The following RC3H1 variants were observed in gnomAD, a reference collection of about 807,000 sequenced individuals.
RC3H1 encodes roquin-1.
Under a neutral mutation model 138.2 loss-of-function variants are expected in RC3H1, and 50 were observed. That is an observed-to-expected ratio of 0.36 (90% CI 0.29 to 0.46). The LOEUF (loss-of-function observed/expected upper bound fraction) is 0.46. Among genes scored for constraint, RC3H1 ranks in the 20% least tolerant of loss-of-function variants. The probability of loss-of-function intolerance (pLI) is 1.00; values close to 1 mark genes in which losing one functional copy is unlikely to be tolerated. For missense variants in RC3H1, 1,031 were observed against 1,388.1 expected, an observed-to-expected ratio of 0.74 and a Z score of 4.09; for synonymous variants, 462 against 489.1, an observed-to-expected ratio of 0.94 and a Z score of 0.73.
chr1:173,981,178 T>C (rs1478940624), intron 5 of RC3H1, among the ~76,000 whole-genome samples, 169 bp from the exon 6 acceptor site: 1 of 152,254 alleles, frequency 6.6e-6, no homozygotes, highest in Non-Finnish European at 1.5e-5. Context: ...GGTATATTGC[T>C]ATCATCCCAT....
chr1:173,947,483 T>C lies in RC3H1; in HGVS notation c.2623A>G (p.Thr875Ala). 6.2e-7 allele frequency: 1 copy of C among 1,614,046 alleles called. No homozygotes were observed. The highest frequency in any genetic ancestry group is 8.5e-7 in the Non-Finnish European group (1 of 1,179,984). ...GAGATGGCACCAAACCGAGACACTG[T>C]TGGTCGGTCTCCAAATGGGATGAGG... ...DDLIPFGDRP[T>A]VSRFGAISRT... Residue 875 changes from threonine (T) to alanine (A), a missense_variant, in exon 15 of 20, where the codon ACA (threonine) becomes GCA (alanine). By Grantham distance (58) the Thr-to-Ala change is moderately conservative (BLOSUM62 0). Coordinates refer to ENST00000367696, the MANE Select transcript of RC3H1 (RefSeq NM_172071.4).
chr1:173,977,564 G>C (rs1336643991), intron 7 of RC3H1, among the ~76,000 whole-genome samples: 5 of 152,178 alleles, frequency 3.3e-5, no homozygotes. Flanking sequence ...GACACGATGG[G>C]GAATCTCAGC....
intron 11 of RC3H1, among the ~76,000 whole-genome samples, chr1:173,962,603 G>A (rs1048862540): frequency 1.3e-5 from 2 of 152,146 alleles, no homozygotes; most frequent in South Asian, 2.1e-4. Context: ...CTCAAATGAC[G>A]TGATCTTGGA....
At chr1:173,963,611 C>T (rs1229145313) in intron 11 of RC3H1, among the ~76,000 whole-genome samples, 1 of 152,092 alleles carries the variant, frequency 6.6e-6, no homozygotes, top group African/African-American at 2.4e-5. Flanking sequence ...TTTACACACA[C>T]TATAATATTA....
intron 6 of RC3H1, 91 bp from the exon 7 acceptor site, chr1:173,978,711 T>A: frequency 1.5e-6 from 2 of 1,342,678 alleles, no homozygotes; most frequent in Non-Finnish European, 2.0e-6. Context: ...TGCGATTTAT[T>A]AAATTTAATT....
At chr1:173,996,758 C>T (rs535466429) in intron 1 of RC3H1, among the ~76,000 whole-genome samples, 76 of 152,276 alleles carry the variant, frequency 5.0e-4, no homozygotes, top group Middle Eastern at 6.8e-3. Flanking sequence ...CCCTCTCCAT[C>T]GCCCCATAAA....
At chr1:173,980,363 T>C (rs890939730) in intron 6 of RC3H1, among the ~76,000 whole-genome samples, 1 of 152,030 alleles carries the variant, frequency 6.6e-6, no homozygotes. Context: ...TTATTATCTA[T>C]GTGATGCTGG....
intron 1 of RC3H1, among the ~76,000 whole-genome samples, chr1:174,001,190 C>A (rs1042185923): frequency 6.6e-6 from 1 of 152,144 alleles, no homozygotes; most frequent in Non-Finnish European, 1.5e-5. Flanking sequence ...AGAAAAATTT[C>A]TATCTCCAAC....
At chr1:174,003,117 G>C (rs893836435) in intron 1 of RC3H1, among the ~76,000 whole-genome samples, 1 of 152,176 alleles carries the variant, frequency 6.6e-6, no homozygotes, top group African/African-American at 2.4e-5. Context: ...GCCAGGCGTG[G>C]TGGCTTATGC....
At chr1:174,021,993 G>T in intron 1 of RC3H1, 103 bp downstream of exon 1, 1 of 382,532 alleles carries the variant, frequency 2.6e-6, no homozygotes, top group Non-Finnish European at 4.6e-6. Context: ...AGCAGAGGGC[G>T]GGCGAGGACA....
chr1:174,013,852 G>A (rs2103102177), intron 1 of RC3H1, among the ~76,000 whole-genome samples: 1 of 152,232 alleles, frequency 6.6e-6, no homozygotes, highest in South Asian at 2.1e-4. Context: ...GCCAAGGCAG[G>A]AGCACTGCCT....
intron 19 of RC3H1, among the ~76,000 whole-genome samples, chr1:173,939,356 G>A (rs575952108): frequency 2.0e-5 from 3 of 151,496 alleles, no homozygotes; most frequent in East Asian, 1.9e-4. Flanking sequence ...TGGCCAACAT[G>A]GTGAAACCCT....
At chr1:173,941,898 TC>T (rs1658880783) in intron 18 of RC3H1, among the ~76,000 whole-genome samples, 1 of 125,324 alleles carries the variant, frequency 8.0e-6, no homozygotes, top group South Asian at 2.5e-4. Context: ...ACCACTGCAC[TC>T]CCCACCTGGG....
intron 3 of RC3H1, 68 bp downstream of exon 3, chr1:173,984,431 T>C (rs1660941134): frequency 2.7e-6 from 4 of 1,458,456 alleles, no homozygotes; most frequent in Non-Finnish European, 3.7e-6. Flanking sequence ...AGGACTTATA[T>C]AGGATTATGT....
chr1:173,983,725 T>C (rs757902352), intron 3 of RC3H1, 68 bp from the exon 4 acceptor site: 13 of 1,551,514 alleles, frequency 8.4e-6, no homozygotes, highest in Non-Finnish European at 1.1e-5. Flanking sequence ...GCAATTCTTC[T>C]GTTGGGTTAA....
At chr1:173,962,132 G>C (rs376056647) in intron 11 of RC3H1, 37 bp from the exon 12 acceptor site, 2 of 1,537,786 alleles carry the variant, frequency 1.3e-6, no homozygotes, top group East Asian at 2.3e-5. Context: ...AGCAAATAAT[G>C]AGCCAATTTA....
intron 14 of RC3H1, among the ~76,000 whole-genome samples, chr1:173,949,899 G>A (rs1019300841): frequency 1.3e-5 from 2 of 152,092 alleles, no homozygotes; most frequent in African/African-American, 2.4e-5. Context: ...GGGCGTGGTG[G>A]CTCACACCTG....
intron 9 of RC3H1, among the ~76,000 whole-genome samples, chr1:173,968,373 T>C (rs1307562677): frequency 2.0e-5 from 3 of 152,216 alleles, no homozygotes; most frequent in Admixed American, 6.5e-5. Flanking sequence ...TTTTATAGCA[T>C]CAAACCTTAT....
chr1:173,973,746 A>G (rs1246879577), intron 7 of RC3H1, among the ~76,000 whole-genome samples: 2 of 152,326 alleles, frequency 1.3e-5, no homozygotes, highest in South Asian at 2.1e-4. Context: ...ACACCCTGAA[A>G]GAATTCTAGG....
Sources: gnomAD v4.1 joint callset for allele counts (sites outside exome capture counted in the v4.1 genomes callset) on GRCh38, gnomAD v4.1.1 for gene constraint, MANE v1.5 for transcripts, NCBI Gene and HGNC (gene_info 2026-07-23, HGNC 2026-07-21) for gene names.